MYO5C: variants seen among roughly 807,000 people sequenced by gnomAD.
MYO5C encodes myosin VC, also known as unconventional myosin-Vc.
Under a neutral mutation model 235.7 loss-of-function variants are expected in MYO5C, and 194 were observed. The observed-to-expected ratio is 0.82, with a 90% CI of 0.73 to 0.93. MYO5C has a LOEUF of 0.93. Among genes scored for constraint, MYO5C ranks in the 40% least tolerant of loss-of-function variants. The pLI, the probability that MYO5C is intolerant of heterozygous loss-of-function variation, is 0.00. For synonymous variants in MYO5C, 707 were observed against 754.8 expected (o/e 0.94, Z 1.04); for missense variants, 2,038 against 2,127.2 (o/e 0.96, Z 0.82).
At chr15:52,215,293 C>T (rs2035528462) in intron 32 of MYO5C, among the ~76,000 whole-genome samples, 1 of 152,182 alleles carries the variant, frequency 6.6e-6, no homozygotes. Context: ...GCCTTTCTTT[C>T]CTGATAAGTA....
rs143006943 is a variant in MYO5C, at chr15:52,257,008, A to G, written c.1314-288T>C. 2.5e-3 allele frequency: 621 copies of G among 248,562 alleles called. 2 individuals carry two copies. The highest frequency in any genetic ancestry group is 3.9e-3 in the Non-Finnish European group (496 of 128,224). 15.4% of individuals were successfully genotyped at this position (248,562 alleles called of 1,614,324 possible). On this transcript the variant is annotated intron_variant, in intron 10 of 40. Transcript: ENST00000261839. ...GTGTAGTCCGCACAACAACAGTGAT[A>G]TTGGCAATTATTATTCTGACTTTAT...
intron 1 of MYO5C, among the ~76,000 whole-genome samples, chr15:52,284,954 G>T (rs1488121096): frequency 6.6e-6 from 1 of 151,392 alleles, no homozygotes; most frequent in East Asian, 1.9e-4. Context: ...ATCCTCCTAT[G>T]TCAGCCTCCC....
chr15:52,231,946 A>G (rs1310154231), intron 24 of MYO5C, among the ~76,000 whole-genome samples: 4 of 152,194 alleles, frequency 2.6e-5, no homozygotes, highest in African/African-American at 7.2e-5. Context: ...TACTTACCTT[A>G]TCTTTTGGGA....
At chr15:52,246,519 C>T (rs768873329) in intron 16 of MYO5C, among the ~76,000 whole-genome samples, 1 of 152,178 alleles carries the variant, frequency 6.6e-6, no homozygotes, top group Non-Finnish European at 1.5e-5. Context: ...GGACTTGTTA[C>T]ACCTTATATT....
chr15:52,266,961 C>T (rs1449140947), intron 8 of MYO5C, among the ~76,000 whole-genome samples: 1 of 152,186 alleles, frequency 6.6e-6, no homozygotes. Context: ...CGGTACTCTA[C>T]CTCTCCACAA....
At chr15:52,225,306 T>C (rs979837915) in intron 26 of MYO5C, 133 bp downstream of exon 26, 1 of 1,050,476 alleles carries the variant, frequency 9.5e-7, no homozygotes, top group African/African-American at 1.6e-5. Context: ...CAACTAGCTA[T>C]TCAACCTATC....
chr15:52,211,659 G>A, intron 35 of MYO5C, 71 bp downstream of exon 35: 2 of 1,503,612 alleles, frequency 1.3e-6, no homozygotes. Context: ...GGCTCAGGAT[G>A]GGCAAAGACT....
intron 38 of MYO5C, among the ~76,000 whole-genome samples, chr15:52,198,267 G>A (rs1382733414): frequency 1.3e-5 from 2 of 152,156 alleles, no homozygotes; most frequent in Non-Finnish European, 2.9e-5. Flanking sequence ...CCCGGGAGGC[G>A]GAGGTTGCAG....
rs774460775 is a variant in MYO5C at position 52,275,653 on chromosome 15, C to A, written c.515G>T (p.Arg172Leu). The change falls in exon 5 of 41, where the codon CGC (arginine) becomes CTC (leucine). Residue 172 changes from arginine to leucine, a missense_variant. By Grantham distance (102) the Arg-to-Leu change is moderately radical (BLOSUM62 -2). Coordinates refer to ENST00000261839, the MANE Select transcript of MYO5C (RefSeq NM_018728.4). ...GGTGGCAAAGTACCTCATGGCATAG[C>A]GAGCCGACACTGTCTTTCCAGCACC... ...ESGAGKTVSA[R>L]YAMRYFATVS... 2.5e-6 allele frequency: 4 copies of A among 1,614,172 alleles called. No individual in the cohort carries two copies. The highest frequency in any genetic ancestry group is 3.4e-6 in the Non-Finnish European group (4 of 1,180,030).
intron 33 of MYO5C, among the ~76,000 whole-genome samples, chr15:52,213,959 G>C (rs1237656895): frequency 6.6e-6 from 1 of 152,082 alleles, no homozygotes; most frequent in Non-Finnish European, 1.5e-5. Context: ...GGTGAGAGTT[G>C]GATAAGTAAG....
chr15:52,216,997 G>T (rs188553606), intron 32 of MYO5C, among the ~76,000 whole-genome samples: 1 of 152,204 alleles, frequency 6.6e-6, no homozygotes, highest in Non-Finnish European at 1.5e-5. Context: ...TCGGAGGAGT[G>T]TGCCCTGCTG....
Position 52,196,341 on chromosome 15 carries a change from A to G in MYO5C, c.4963T>C (p.Tyr1655His). ...GCAGACAGTGAGGTGCAGCGTTCGT[A>G]GATCTCCTTGGCATCACTGTCTGTG... is the stretch of plus-strand genomic sequence containing the variant. ...KTTDSDAKEI[Y>H]ERCTSLSAVQ... The change falls in exon 39 of 41, where the codon TAC becomes CAC. Residue 1655 changes from tyrosine (Y) to histidine (H), a missense_variant. Transcript: ENST00000261839. 1.2e-6 allele frequency: 2 copies of G among 1,613,624 alleles called. No homozygotes were observed. The highest frequency in any genetic ancestry group is 1.7e-6 in the Non-Finnish European group (2 of 1,179,898).
chr15:52,227,484 A>G (rs767067274), intron 25 of MYO5C, among the ~76,000 whole-genome samples: 3 of 151,690 alleles, frequency 2.0e-5, no homozygotes, highest in African/African-American at 7.3e-5. Context: ...GGCCTGAGCC[A>G]CCGTGCCCAG....
chr15:52,262,083 T>C (rs2036709738), intron 9 of MYO5C, among the ~76,000 whole-genome samples: 1 of 152,166 alleles, frequency 6.6e-6, no homozygotes, highest in African/African-American at 2.4e-5. Context: ...TTTCCTTCCT[T>C]CTAAGAAAGA....
chr15:52,225,965 G>A (rs61531682), intron 25 of MYO5C, among the ~76,000 whole-genome samples: 130 of 151,916 alleles, frequency 8.6e-4, no homozygotes, highest in African/African-American at 3.0e-3. Flanking sequence ...CAGGAGAATC[G>A]CTTGAACCCG....
chr15:52,212,095 A>G (rs1158649133), intron 34 of MYO5C, among the ~76,000 whole-genome samples: 2 of 152,202 alleles, frequency 1.3e-5, no homozygotes, highest in Non-Finnish European at 2.9e-5. Flanking sequence ...TTGTTTACAA[A>G]GGACTTTCTC....
In MYO5C at chr15:52,275,579, A is replaced by G. The variant is rs1256093850; in HGVS notation, c.589T>C (p.Ser197Pro). The change falls in exon 5 of 41, where the codon TCC becomes CCC. Residue 197 changes from serine (S) to proline (P), a missense_variant. Ser to Pro is a moderately conservative substitution (Grantham distance 74). Coordinates refer to ENST00000261839, the MANE Select transcript of MYO5C (RefSeq NM_018728.4). ...NAHVEDKVLA[S>P]NPITEAVGNA... is the part of the protein sequence containing the mutation. The stretch of plus-strand genomic sequence containing the variant: ...GTACGCACCTCGGTGATGGGATTGG[A>G]TGCCAGGACCTTGTCTTCCACGTGA... The G allele has an allele frequency of 1.2e-6, 2 of 1,614,156 alleles. No individual in the cohort carries two copies. Among genetic ancestry groups the G allele is most frequent in the Non-Finnish European group, 1.7e-6 (2 of 1,180,036 alleles).
intron 38 of MYO5C, among the ~76,000 whole-genome samples, chr15:52,201,166 T>C (rs1168242704): frequency 6.6e-6 from 1 of 152,106 alleles, no homozygotes; most frequent in Non-Finnish European, 1.5e-5. Flanking sequence ...ATTTGGTGAA[T>C]GGCCAGATTC....
chr15:52,223,843 T>C, intron 28 of MYO5C, 119 bp from the exon 29 acceptor site: 2 of 817,902 alleles, frequency 2.4e-6, no homozygotes, highest in Non-Finnish European at 3.7e-6. Flanking sequence ...CAAGTTTACT[T>C]ATGCACTCAC....
Sources: gnomAD v4.1 joint callset for allele counts (sites outside exome capture counted in the v4.1 genomes callset) on GRCh38, gnomAD v4.1.1 for gene constraint, MANE v1.5 for transcripts, NCBI Gene and HGNC (gene_info 2026-07-23, HGNC 2026-07-21) for gene names.